The following ZNF596 variants were observed in gnomAD, a reference collection of about 807,000 sequenced individuals.
The protein encoded by ZNF596 is zinc finger protein 596.
Under a neutral mutation model 48.3 loss-of-function variants are expected in ZNF596, and 45 were observed. The observed-to-expected ratio is 0.93, with a 90% confidence interval of 0.73 to 1.19. The LOEUF (loss-of-function observed/expected upper bound fraction) is 1.19, where lower values mean the gene tolerates loss of function less well. Among genes scored for constraint, ZNF596 ranks in the 50% most tolerant of loss-of-function variants. The pLI is 0.00. For synonymous variants in ZNF596, 270 were observed against 202.0 expected, an observed-to-expected ratio of 1.34 and a Z score of -2.85; for missense variants, 848 against 599.7, an observed-to-expected ratio of 1.41 and a Z score of -4.32.
chr8:236,875 G>A (rs1563062906), intron 1 of ZNF596, among the ~76,000 whole-genome samples: 2 of 152,178 alleles, frequency 1.3e-5, no homozygotes, highest in African/African-American at 4.8e-5. Flanking sequence ...TAAATTTGTA[G>A]TTATTGTTAC....
At position 243,269 on chromosome 8, in the gene ZNF596, C is replaced by T. The variant is rs1034727160; in HGVS notation, c.139+256C>T. 3.6e-4 allele frequency: 120 copies of T among 337,812 alleles called. 1 individual carries two copies. Among genetic ancestry groups the T allele is most frequent in the Non-Finnish European group, 1.2e-4 (22 of 183,772 alleles). The allele number at this position is 337,812 out of a possible 1,614,324, so 20.9% of individuals were successfully genotyped here. ...TCACATCCTTCTTGCTCTTTAATCT[C>T]CCAAACTCAGAAAAGTTATGGTAAT... On this transcript the variant is annotated intron_variant, in intron 3 of 5. Transcript: ENST00000398612.
At chr8:237,892 T>C (rs1796683476) in intron 1 of ZNF596, among the ~76,000 whole-genome samples, 1 of 152,220 alleles carries the variant, frequency 6.6e-6, no homozygotes, top group South Asian at 2.1e-4. Flanking sequence ...GCTTCTGCCA[T>C]CTGTCTTCCT....
At chr8:240,288 A>G (rs1796799501) in intron 1 of ZNF596, 1 of 152,340 alleles carries the variant, frequency 6.6e-6, no homozygotes, top group Non-Finnish European at 1.5e-5. Context: ...AATTCATGCT[A>G]CATTTATCTA....
rs1173169488 is a variant in ZNF596, at chr8:237,077, A to G, written c.-72-3747A>G. On this transcript the variant is annotated intron_variant, in intron 1 of 5. Coordinates refer to ENST00000398612, the MANE Select transcript of ZNF596 (RefSeq NM_001042416.3). ...GCTAATCAGATTTTTGTGCTGATTAATGAGGGAAAGTTTTTACTCTTTTTG... is the reference window on the plus strand; with the variant it reads ...GCTAATCAGATTTTTGTGCTGATTAGTGAGGGAAAGTTTTTACTCTTTTTG... The G allele has an allele frequency of 2.1e-5, 3 of 140,338 alleles. No homozygotes were observed. In the Admixed American group the frequency reaches 2.2e-4, roughly 10 times the overall value. The allele number at this position is 140,338 out of a possible 1,614,324, so 8.7% of individuals were successfully genotyped here.
In ZNF596 at chr8:243,755, A is replaced by T. The variant is rs748146560; in HGVS notation, c.173A>T (p.Gln58Leu). The T allele has an allele frequency of 2.5e-6, 4 of 1,613,844 alleles. No individual in the cohort carries two copies. The Admixed American group carries it at 6.7e-5, about 27-fold the overall frequency. The change falls in exon 4 of 6, where the codon CAA (glutamine) becomes CTA (leucine). Residue 58 changes from glutamine (Q) to leucine (L), a missense_variant. Physicochemically the swap from Gln to Leu is moderately radical, Grantham distance 113. Transcript: ENST00000398612. ...KQLCKSVVLS[Q>L]LEQVEKLSTQ... Reference sequence around the variant, plus strand: ...CTCTGCAAATCAGTTGTGCTTTCCCAATTGGAGCAAGTAGAGAAACTTTCA... The same window carrying T: ...CTCTGCAAATCAGTTGTGCTTTCCCTATTGGAGCAAGTAGAGAAACTTTCA...
Position 246,550 on chromosome 8 carries a change from ACC to A in ZNF596, c.*189_*190del. On this transcript the variant is annotated 3_prime_UTR_variant, in exon 6 of 6. Transcript: ENST00000398612. ...GGCACAAACTTCAGACTCTAGGCTG[ACC>A]ATATACAACGTGAGAGAATGAAACT... 1 of 604,764 alleles carries A rather than the reference ACC, an allele frequency of 1.7e-6. No individual in the cohort carries two copies. The highest frequency in any genetic ancestry group is 2.7e-6 in the Non-Finnish European group (1 of 373,896). 37.5% of individuals were successfully genotyped at this position (604,764 alleles called of 1,614,324 possible).
In ZNF596 at chr8:246,665, G is replaced by A. The variant is rs57413129; in HGVS notation, c.*303G>A. The A allele has an allele frequency of 0.061, 15,956 of 262,596 alleles. 1,697 individuals carry two copies. Among genetic ancestry groups the A allele is most frequent in the African/African-American group, 0.27 (12,100 of 44,910 alleles). 16.3% of individuals were successfully genotyped at this position (262,596 alleles called of 1,614,324 possible). On this transcript the variant is annotated 3_prime_UTR_variant, in exon 6 of 6. Coordinates refer to ENST00000398612, the MANE Select transcript of ZNF596 (RefSeq NM_001042416.3). ...ACATCACGAAAATTCTGTGCCTGTC[G>A]TCAGTGTGAAAATGCCTTTGCTGAT...
intron 1 of ZNF596, among the ~76,000 whole-genome samples, chr8:238,895 C>G (rs940274054): frequency 8.2e-5 from 8 of 97,468 alleles, no homozygotes; most frequent in Admixed American, 1.9e-4. Flanking sequence ...AGCTATGAGA[C>G]AACACTGATA....
intron 1 of ZNF596, among the ~76,000 whole-genome samples, chr8:235,889 A>C (rs1796596940): frequency 6.6e-6 from 1 of 152,144 alleles, no homozygotes; most frequent in African/African-American, 2.4e-5. Flanking sequence ...AAATTTGACA[A>C]CTTTATTTTT....
At position 245,540 on chromosome 8, in the gene ZNF596, CT is replaced by C. The variant is rs1563070793; in HGVS notation, c.696del (p.Phe232LeufsTer40). Reference sequence around the variant, plus strand: ...ACGGATGTCATCTATGTGGGAAAGCCTTTACTCATTGCTCTGATCTTCGAAA... The same window carrying C: ...ACGGATGTCATCTATGTGGGAAAGCCTTACTCATTGCTCTGATCTTCGAAA... ...PHGCHLCGKA[F>X]THCSDLRKHE... On this transcript the variant is annotated frameshift_variant, in exon 6 of 6. Coordinates refer to ENST00000398612, the MANE Select transcript of ZNF596 (RefSeq NM_001042416.3). LOFTEE classifies it high-confidence loss of function. The C allele has an allele frequency of 6.2e-7, 1 of 1,613,326 alleles. No homozygotes were observed. The highest frequency in any genetic ancestry group is 1.1e-5 in the South Asian group (1 of 91,012).
Position 245,881 on chromosome 8 carries a change from C to T in ZNF596, c.1034C>T (p.Ser345Phe). 1 of 1,613,600 alleles carries T rather than the reference C, an allele frequency of 6.2e-7. No individual in the cohort carries two copies. Among genetic ancestry groups the T allele is most frequent in the Admixed American group, 1.7e-5 (1 of 59,974 alleles). The part of the protein sequence containing the change: ...YECHLCGKAF[S>F]HCSHLRQHER... Reference sequence around the variant, plus strand: ...TGTCATCTATGTGGAAAAGCCTTCTCTCATTGTTCTCACCTTAGACAACAT... The same window carrying T: ...TGTCATCTATGTGGAAAAGCCTTCTTTCATTGTTCTCACCTTAGACAACAT... The change falls in exon 6 of 6, where the codon TCT becomes TTT. Residue 345 changes from serine to phenylalanine, a missense_variant. By Grantham distance (155) the Ser-to-Phe change is radical. Coordinates refer to ENST00000398612, the MANE Select transcript of ZNF596 (RefSeq NM_001042416.3).
At chr8:238,668 G>A (rs908525378) in intron 1 of ZNF596, among the ~76,000 whole-genome samples, 25 of 148,346 alleles carry the variant, frequency 1.7e-4, no homozygotes, top group Non-Finnish European at 2.7e-4. Flanking sequence ...TTAGCTGGTC[G>A]TGGTGACGGG....
At chr8:242,607 A>G (rs1266825577) in intron 2 of ZNF596, among the ~76,000 whole-genome samples, 1 of 152,224 alleles carries the variant, frequency 6.6e-6, no homozygotes. Context: ...TTTCATAATT[A>G]GTATCTGTAA....
chr8:245,194 T>G lies in ZNF596; in HGVS notation c.347T>G (p.Leu116Ter). ...GAGGATCCTTTTCTATGCAATGACT[T>G]AGGAGAAGATTTCACTCAACATATA... ...TQEDPFLCND[L>*]GEDFTQHIAL... is the part of the protein sequence containing the mutation. The change falls in exon 6 of 6, where the codon TTA becomes TGA. Residue 116 changes from leucine (L) to a stop codon, truncating the protein, a stop_gained. Coordinates refer to ENST00000398612, the MANE Select transcript of ZNF596 (RefSeq NM_001042416.3). LOFTEE classifies it high-confidence loss of function. 6.2e-7 allele frequency: 1 copy of G among 1,608,680 alleles called. No individual in the cohort carries two copies. Among genetic ancestry groups the G allele is most frequent in the Non-Finnish European group, 8.5e-7 (1 of 1,176,618 alleles).
intron 1 of ZNF596, among the ~76,000 whole-genome samples, chr8:236,356 C>G (rs1584901555): frequency 1.3e-5 from 2 of 152,294 alleles, no homozygotes; most frequent in South Asian, 4.1e-4. Context: ...GTCACGTCAT[C>G]TGAGAATAAC....
chr8:236,494 T>C (rs1563062603), intron 1 of ZNF596, among the ~76,000 whole-genome samples: 2 of 152,216 alleles, frequency 1.3e-5, no homozygotes, highest in Non-Finnish European at 2.9e-5. Flanking sequence ...TTTCCAGCCT[T>C]ACCTTTAGTG....
At position 246,325 on chromosome 8, in the gene ZNF596, A is replaced by G. The variant is rs760609139; in HGVS notation, c.1478A>G (p.His493Arg). ...AFSKFFNLRQ[H>R]ERTHTKKAMN... ...AGTAAATTTTTTAACCTTAGACAACATGAGAGAACTCACACTAAAAAAGCA... is the reference window on the plus strand; with the variant it reads ...AGTAAATTTTTTAACCTTAGACAACGTGAGAGAACTCACACTAAAAAAGCA... The change falls in exon 6 of 6, where the codon CAT (histidine) becomes CGT (arginine). Residue 493 changes from histidine (H) to arginine (R), a missense_variant. Transcript: ENST00000398612. 31 of 1,598,102 alleles carry G rather than the reference A, an allele frequency of 1.9e-5. No individual in the cohort carries two copies. In the Admixed American group the frequency reaches 5.4e-4, roughly 28 times the overall value.
rs1021074036 is a variant in ZNF596, at chr8:232,609, C to T, written c.-158C>T. 4.2e-5 allele frequency: 14 copies of T among 334,488 alleles called. No individual in the cohort carries two copies. The highest frequency in any genetic ancestry group is 2.9e-4 in the African/African-American group (13 of 44,512). 20.7% of individuals were successfully genotyped at this position (334,488 alleles called of 1,614,324 possible). A position where few individuals can be genotyped will look rare whatever the true frequency, so the allele number is the denominator to read the frequency against. On this transcript the variant is annotated 5_prime_UTR_variant, in exon 1 of 6. Transcript: ENST00000398612. ...CAGCTGCCAGATCTGCGTCTGTGTC[C>T]GGTTCCGTCACTGAGGTCGCCCCTG...
At chr8:237,129 G>A (rs1325204690) in intron 1 of ZNF596, 1 of 151,906 alleles carries the variant, frequency 6.6e-6, no homozygotes, top group African/African-American at 2.4e-5. Flanking sequence ...TATTCATGTT[G>A]GAATATAATT....
Sources: gnomAD v4.1 joint callset for allele counts (sites outside exome capture counted in the v4.1 genomes callset) on GRCh38, gnomAD v4.1.1 for gene constraint, MANE v1.5 for transcripts, NCBI Gene and HGNC (gene_info 2026-07-23, HGNC 2026-07-21) for gene names.